BPIFB4: variants seen among roughly 807,000 people sequenced by gnomAD.
BPIFB4 encodes BPI fold-containing family B member 4.
BPIFB4 carries 62 observed loss-of-function variants against 69.2 expected under a neutral mutation model. That is an observed-to-expected ratio of 0.90 (90% confidence interval 0.73 to 1.11). BPIFB4 has a LOEUF of 1.11. Among genes scored for constraint, BPIFB4 ranks in the 50% least tolerant of loss-of-function variants. BPIFB4 has a pLI of 0.00. For synonymous variants in BPIFB4, 330 were observed against 332.7 expected (o/e 0.99, Z 0.09); for missense variants, 789 against 792.0 (o/e 1.00, Z 0.04).
Position 33,097,690 on chromosome 20 carries a change from TGCA to T in BPIFB4, c.1474_1476del (p.Gln492del). The T allele has an allele frequency of 6.2e-7, 1 of 1,614,066 alleles. No individual in the cohort carries two copies. On this transcript the variant is annotated inframe_deletion, in exon 13 of 18. Transcript: ENST00000375483. ...GTGCTGAACCCACCATCTGTGATGC[TGCA>T]GAAGGACAAAGCGCTGGTGAAGGTG...
intron 3 of BPIFB4, among the ~76,000 whole-genome samples, chr20:33,081,891 C>T (rs1218876193): frequency 6.6e-6 from 1 of 152,244 alleles, no homozygotes; most frequent in Admixed American, 6.5e-5. Context: ...AGCCCTGGAT[C>T]AGCCTTCGTG....
chr20:33,081,818 G>A (rs1044948844), intron 3 of BPIFB4, among the ~76,000 whole-genome samples, 186 bp downstream of exon 3: 3 of 152,220 alleles, frequency 2.0e-5, no homozygotes, highest in African/African-American at 7.2e-5. Context: ...CCTACTATGT[G>A]CCAAGCACCA....
intron 16 of BPIFB4, among the ~76,000 whole-genome samples, chr20:33,106,023 G>A (rs1405724697): frequency 2.0e-5 from 3 of 152,160 alleles, no homozygotes; most frequent in African/African-American, 7.2e-5. Flanking sequence ...TTCCATGGCC[G>A]AGCAAGTTTG....
At chr20:33,090,392 G>A (rs1012806866) in intron 9 of BPIFB4, among the ~76,000 whole-genome samples, 2 of 152,208 alleles carry the variant, frequency 1.3e-5, no homozygotes, top group African/African-American at 4.8e-5. Flanking sequence ...CTGGTGCACA[G>A]CACTTCACAG....
rs1008262382 is a variant in BPIFB4 at position 33,083,993 on chromosome 20, T to A, written c.677+119T>A. The A allele has an allele frequency of 3.3e-6, 4 of 1,223,552 alleles. No homozygotes were observed. The African/African-American group carries it at 6.1e-5, about 19-fold the overall frequency. 75.8% of individuals were successfully genotyped at this position (1,223,552 alleles called of 1,614,324 possible). ...TTCAGAGCCCCACACACTTCAGGGTTTGGCCTCAGGATTGGAAGTTTTAAG... is the reference window on the plus strand; with the variant it reads ...TTCAGAGCCCCACACACTTCAGGGTATGGCCTCAGGATTGGAAGTTTTAAG... On this transcript the variant is annotated intron_variant, in intron 5 of 17. Transcript: ENST00000375483.
chr20:33,093,190 T>A (rs1981658501), intron 11 of BPIFB4, among the ~76,000 whole-genome samples: 2 of 152,148 alleles, frequency 1.3e-5, no homozygotes, highest in African/African-American at 4.8e-5. Flanking sequence ...TTGCTTCATA[T>A]CTACCTATGC....
rs1981229908 is a variant in BPIFB4 at position 33,081,562 on chromosome 20, G to A, written c.36G>A (p.Val12=). The stretch of plus-strand genomic sequence containing the variant: ...CCTGGTGTGTGGCTGCGCTGTCTGT[G>A]GTGGCTGTGTGTGGCACCAGCCACG... The part of the protein sequence containing the change: ...WMAWCVAALS[V]VAVCGTSHET... The change falls in exon 3 of 18, where the codon GTG becomes GTA. Residue 12 remains valine (V), a synonymous_variant. Coordinates refer to ENST00000375483, the MANE Select transcript of BPIFB4 (RefSeq NM_182519.3). 1.3e-6 allele frequency: 2 copies of A among 1,551,608 alleles called. No individual in the cohort carries two copies. The highest frequency in any genetic ancestry group is 3.9e-5 in the Admixed American group (2 of 50,992).
intron 4 of BPIFB4, 22 bp downstream of exon 4, chr20:33,083,022 G>A (rs761964968): frequency 6.2e-6 from 10 of 1,603,288 alleles, no homozygotes; most frequent in Middle Eastern, 3.3e-4. Context: ...GGTGATGGTG[G>A]TGGGCCTCTC....
At chr20:33,100,392 G>T (rs1392493754) in intron 13 of BPIFB4, 34 bp from the exon 14 acceptor site, 12 of 1,534,508 alleles carry the variant, frequency 7.8e-6, no homozygotes, top group Non-Finnish European at 9.9e-6. Context: ...AGACATGAAG[G>T]CAGTGACGTC....
In BPIFB4 at chr20:33,111,506, A is replaced by C; in HGVS notation, c.*69A>C. The C allele has an allele frequency of 6.3e-7, 1 of 1,590,588 alleles. No individual in the cohort carries two copies. The highest frequency in any genetic ancestry group is 1.1e-5 in the South Asian group (1 of 89,712). ...CCAGTCCCAGAGAGGCTCGGCCTGG[A>C]AACAGTCCCCTGCCCAGAGTCCCCT... On this transcript the variant is annotated 3_prime_UTR_variant, in exon 18 of 18. Transcript: ENST00000375483.
At chr20:33,088,841 A>C in intron 7 of BPIFB4, 125 bp from the exon 8 acceptor site, 1 of 1,519,746 alleles carries the variant, frequency 6.6e-7, no homozygotes, top group Non-Finnish European at 8.9e-7. Context: ...CAGCTTTCGA[A>C]CAGTTTTCCA....
intron 9 of BPIFB4, among the ~76,000 whole-genome samples, chr20:33,090,394 A>T (rs1401935862): frequency 2.6e-5 from 4 of 152,210 alleles, no homozygotes. Flanking sequence ...GGTGCACAGC[A>T]CTTCACAGTT....
At chr20:33,089,072 C>T (rs1210926722) in intron 8 of BPIFB4, 43 bp downstream of exon 8, 1 of 1,613,290 alleles carries the variant, frequency 6.2e-7, no homozygotes, top group South Asian at 1.1e-5. Flanking sequence ...CACAGGCTTC[C>T]CCCAGACTGA....
Position 33,095,082 on chromosome 20 carries a change from C to T in BPIFB4, c.1345-18C>T. The T allele has an allele frequency of 6.2e-7, 1 of 1,605,646 alleles. No homozygotes were observed. ...GATAGCCTCCAGGATTCACGTGGCCCTTCTTCTTGTCCTATAGTTTGAAGA... is the reference window on the plus strand; with the variant it reads ...GATAGCCTCCAGGATTCACGTGGCCTTTCTTCTTGTCCTATAGTTTGAAGA... On this transcript the variant is annotated intron_variant, in intron 11 of 17. Coordinates refer to ENST00000375483, the MANE Select transcript of BPIFB4 (RefSeq NM_182519.3).
rs747739998 is a variant in BPIFB4, at chr20:33,083,882, G to A, written c.677+8G>A. 1 of 1,595,336 alleles carries A rather than the reference G, an allele frequency of 6.3e-7. No homozygotes were observed. Among genetic ancestry groups the A allele is most frequent in the Non-Finnish European group, 8.6e-7 (1 of 1,169,504 alleles). On this transcript the variant is annotated splice_region_variant and intron_variant, in intron 5 of 17. Transcript: ENST00000375483. ...TGTGCAAGGCATCACGGGGTAAGGA[G>A]GGGACGGGTTCTCCCCAGAAAGCCC...
intron 10 of BPIFB4, among the ~76,000 whole-genome samples, chr20:33,092,128 G>A (rs570503148): frequency 1.3e-5 from 2 of 152,286 alleles, no homozygotes; most frequent in East Asian, 1.9e-4. Context: ...GCACCTTGTA[G>A]ACCGTGGAGA....
At chr20:33,098,017 G>A (rs147810522) in intron 13 of BPIFB4, among the ~76,000 whole-genome samples, 80 of 152,276 alleles carry the variant, frequency 5.3e-4, no homozygotes, top group African/African-American at 1.8e-3. Context: ...TCTCTTGCTG[G>A]CCTTGCACAA....
intron 11 of BPIFB4, 144 bp downstream of exon 11, chr20:33,092,802 T>G: frequency 1.3e-6 from 1 of 750,238 alleles, no homozygotes; most frequent in Non-Finnish European, 2.2e-6. Flanking sequence ...AGCTCATGGG[T>G]GTGCGTCAAT....
In BPIFB4 at chr20:33,084,963, G is replaced by A. The variant is rs774963472; in HGVS notation, c.749G>A (p.Ser250Asn). Residue 250 changes from serine to asparagine, a missense_variant, in exon 6 of 18, where the codon AGC (serine) becomes AAC (asparagine). By Grantham distance (46) the Ser-to-Asn change is conservative. Transcript: ENST00000375483. ...CTGCCCGGCGTGGGTGTCTACCTGA[G>A]CTTGTACACCCGTGTGGCCATCAAC... ...RLLPGVGVYL[S>N]LYTRVAINGK... 6.2e-7 allele frequency: 1 copy of A among 1,612,114 alleles called. No individual in the cohort carries two copies. Among genetic ancestry groups the A allele is most frequent in the Non-Finnish European group, 8.5e-7 (1 of 1,179,992 alleles).
Sources: gnomAD v4.1 joint callset for allele counts (sites outside exome capture counted in the v4.1 genomes callset) on GRCh38, gnomAD v4.1.1 for gene constraint, MANE v1.5 for transcripts, NCBI Gene and HGNC (gene_info 2026-07-23, HGNC 2026-07-21) for gene names.